The following PXDN variants were observed in gnomAD, a reference collection of about 807,000 sequenced individuals.
The protein encoded by PXDN is peroxidasin homolog.
In PXDN, 77 loss-of-function variants were observed where a neutral mutation model predicts 140.3. That is an observed-to-expected ratio of 0.55 (90% CI 0.46 to 0.66). The LOEUF is 0.66. Ranked by LOEUF, PXDN falls within the 30% of genes least tolerant of loss-of-function variation. PXDN has a pLI of 0.00. For synonymous variants in PXDN, 911 were observed against 857.4 expected, an observed-to-expected ratio of 1.06 and a Z score of -1.09; for missense variants, 1,838 against 2,039.5, an observed-to-expected ratio of 0.90 and a Z score of 1.90.
Position 1,648,617 on chromosome 2 carries a change from G to A in PXDN, c.3163C>T (p.Pro1055Ser). The A allele has an allele frequency of 1.9e-6, 3 of 1,611,522 alleles. No individual in the cohort carries two copies. Among genetic ancestry groups the A allele is most frequent in the Non-Finnish European group, 1.7e-6 (2 of 1,179,334 alleles). Residue 1055 changes from proline (P) to serine (S), a missense_variant, in exon 17 of 23, where the codon CCC becomes TCC. Coordinates refer to ENST00000252804, the MANE Select transcript of PXDN (RefSeq NM_012293.3). The surrounding 1 kb of genome is among the most constrained non-coding windows in gnomAD (Gnocchi z 8.9). ...RTLGEYHGYD[P>S]GINAGIFNAF... ...TTGAAGATGCCAGCATTGATGCCGG[G>A]GTCGTAGCCGTGGTACTCTCCCAGC...
rs750654630 is a variant in PXDN, at chr2:1,660,967, A to G, written c.1751T>C (p.Val584Ala). 3.7e-6 allele frequency: 6 copies of G among 1,613,926 alleles called. No individual in the cohort carries two copies. The highest frequency in any genetic ancestry group is 2.2e-5 in the East Asian group (1 of 44,884). ...ATAGCGACCTGCGTCTGCAGGGCCA[A>G]CGTCATTGATGGTCAAGAATCCTTC... is the stretch of plus-strand genomic sequence containing the variant. ...SPEGFLTIND[V>A]GPADAGRYEC... is the part of the protein sequence containing the mutation. Residue 584 changes from valine to alanine, a missense_variant, in exon 14 of 23, where the codon GTT becomes GCT. By Grantham distance (64) the Val-to-Ala change is moderately conservative. Transcript: ENST00000252804. This position sits in a 1 kb window ranked among gnomAD's most constrained non-coding sequence, Gnocchi z 4.6.
At chr2:1,733,148 G>T (rs971575905) in intron 1 of PXDN, among the ~76,000 whole-genome samples, 1 of 151,938 alleles carries the variant, frequency 6.6e-6, no homozygotes, top group East Asian at 1.9e-4. Flanking sequence ...GACAAAGATG[G>T]GGACAGAAAA....
intron 4 of PXDN, among the ~76,000 whole-genome samples, 193 bp from the exon 5 acceptor site, chr2:1,684,344 C>T (rs1436868680): frequency 6.6e-6 from 1 of 152,128 alleles, no homozygotes. Flanking sequence ...ACACTAGGCA[C>T]AGATGTCCAC....
At chr2:1,684,482 C>CA (rs1329691306) in intron 4 of PXDN, among the ~76,000 whole-genome samples, 1 of 152,078 alleles carries the variant, frequency 6.6e-6, no homozygotes, top group African/African-American at 2.4e-5. Context: ...TGGAAAAAAG[C>CA]AAAAATCAAA....
chr2:1,726,899 A>C (rs2125486213), intron 1 of PXDN, among the ~76,000 whole-genome samples: 1 of 152,312 alleles, frequency 6.6e-6, no homozygotes, highest in Non-Finnish European at 1.5e-5. Context: ...TGAGTATGAC[A>C]CTTTAGAAAT....
intron 10 of PXDN, among the ~76,000 whole-genome samples, chr2:1,665,600 C>T (rs1036707825): frequency 3.3e-5 from 5 of 152,196 alleles, no homozygotes; most frequent in African/African-American, 1.2e-4. Flanking sequence ...TGCAGATTCT[C>T]GACAGATTGC....
chr2:1,648,529 A>G lies in PXDN; in HGVS notation c.3251T>C (p.Leu1084Pro). 1.9e-6 allele frequency: 3 copies of G among 1,613,508 alleles called. No individual in the cohort carries two copies. Among genetic ancestry groups the G allele is most frequent in the African/African-American group, 2.7e-5 (2 of 75,068 alleles). Residue 1084 changes from leucine (L) to proline (P), a missense_variant, in exon 17 of 23, where the codon CTG becomes CCG. By Grantham distance (98) the Leu-to-Pro change is moderately conservative. This residue lies in a region of PXDN where 850 missense variants were observed against 894.1 expected (regional missense o/e 0.95). Transcript: ENST00000252804. This position sits in a 1 kb window ranked among gnomAD's most constrained non-coding sequence, Gnocchi z 8.9. ...HTLVNPLLYR[L>P]DENFQPIAQD... is the part of the protein sequence containing the mutation. ...TGCAATGGGCTGGAAGTTCTCGTCC[A>G]GCCGGTAAAGCAGTGGGTTGACAAG...
chr2:1,658,094 G>C (rs1418858605), intron 14 of PXDN, among the ~76,000 whole-genome samples: 28 of 115,410 alleles, frequency 2.4e-4, no homozygotes, highest in African/African-American at 3.7e-4. Context: ...CTCTCTCTCT[G>C]TTACAGTGTC....
intron 7 of PXDN, among the ~76,000 whole-genome samples, chr2:1,679,423 TGTG>T (rs1233970916): frequency 7.5e-6 from 1 of 132,526 alleles, no homozygotes; most frequent in African/African-American, 3.0e-5. Flanking sequence ...GCGTGTGTGG[TGTG>T]TGTGTGTATG....
At chr2:1,744,170 C>T (rs1685632337) in intron 1 of PXDN, 86 bp downstream of exon 1, 21 of 1,278,790 alleles carry the variant, frequency 1.6e-5, no homozygotes, top group Non-Finnish European at 2.1e-5. Context: ...CCACCCTCCG[C>T]GCCCCCCACC....
rs531437779 is a variant in PXDN at position 1,738,579 on chromosome 2, C to T, written c.200+5677G>A. ...TTTTTTTTTTTTTGAGACTAGGTCT[C>T]GCTCTGTCACCCAGGCTGCAGTGCA... On this transcript the variant is annotated intron_variant, in intron 1 of 22. Transcript: ENST00000252804. 7.4e-5 allele frequency among the ~76,000 whole-genome samples: 11 copies of T among 148,932 alleles called. No individual in the cohort carries two copies. In the South Asian group the frequency reaches 1.9e-3, roughly 26 times the overall value.
chr2:1,681,960 G>A (rs146194779), intron 6 of PXDN, among the ~76,000 whole-genome samples: 389 of 152,322 alleles, frequency 2.6e-3, no homozygotes, highest in Non-Finnish European at 4.0e-3. Flanking sequence ...GGCCTCCTCC[G>A]CCTGGGGCCC....
At chr2:1,655,643 CCTGCCTTCTCCTGACAGGAAT>C (rs1683114795) in intron 14 of PXDN, among the ~76,000 whole-genome samples, 1 of 150,980 alleles carries the variant, frequency 6.6e-6, no homozygotes, top group African/African-American at 2.4e-5. Context: ...CTGGCAGGAA[CCTGCCTTCTCCTGACAGGAAT>C]CTGCCCCCTC....
Position 1,662,102 on chromosome 2 carries a change from G to A in PXDN, c.1650C>T (p.Gly550=), listed in dbSNP as rs753678349. The change falls in exon 13 of 23, where the codon GGC becomes GGT. Residue 550 remains glycine, a synonymous_variant. Transcript: ENST00000252804. ...TCCAGGTGATGGCTGGCTCGGGCTC[G>A]CCCTGGGAGCTGCACGGGAGCTGCA... The part of the protein sequence containing the change: ...ANVQLPCSSQ[G]EPEPAITWNK... The A allele has an allele frequency of 1.6e-5, 26 of 1,595,158 alleles. No individual in the cohort carries two copies. Among genetic ancestry groups the A allele is most frequent in the Middle Eastern group, 1.7e-4 (1 of 6,036 alleles).
At position 1,744,289 on chromosome 2, in the gene PXDN, G is replaced by A; in HGVS notation, c.167C>T (p.Ala56Val). The change falls in exon 1 of 23, where the codon GCC (alanine) becomes GTC (valine). Residue 56 changes from alanine (A) to valine (V), a missense_variant. Coordinates refer to ENST00000252804, the MANE Select transcript of PXDN (RefSeq NM_012293.3). ...TVRCMHLLLE[A>V]VPAVAPQTSI... is the part of the protein sequence containing the mutation. ...GGTCTGCGGCGCCACGGCGGGCACG[G>A]CCTCCAGCAGCAGATGCATGCAGCG... 1.3e-6 allele frequency: 2 copies of A among 1,521,754 alleles called. No homozygotes were observed. The highest frequency in any genetic ancestry group is 1.4e-5 in the African/African-American group (1 of 71,042). The allele number at this position is 1,521,754 out of a possible 1,614,324, so 94.3% of individuals were successfully genotyped here.
At chr2:1,717,368 C>T (rs1184454796) in intron 1 of PXDN, among the ~76,000 whole-genome samples, 1 of 152,148 alleles carries the variant, frequency 6.6e-6, no homozygotes, top group Non-Finnish European at 1.5e-5. Context: ...GTCCAAATGC[C>T]TCTCGCCCGG....
At chr2:1,727,725 A>G (rs554414175) in intron 1 of PXDN, among the ~76,000 whole-genome samples, 1 of 152,282 alleles carries the variant, frequency 6.6e-6, no homozygotes, top group South Asian at 2.1e-4. Flanking sequence ...GCCGAGAGCC[A>G]GCTGAGTTCA....
At chr2:1,706,694 TAATACAACCTGAGAG>T in intron 1 of PXDN, among the ~76,000 whole-genome samples, 1 of 85,272 alleles carries the variant, frequency 1.2e-5, no homozygotes, top group Non-Finnish European at 2.2e-5. Context: ...GCCCCACTAA[TAATACAACCTGAGAG>T]CACGCTGCAG....
At chr2:1,674,171 T>G (rs1558502509) in intron 8 of PXDN, among the ~76,000 whole-genome samples, 1 of 152,234 alleles carries the variant, frequency 6.6e-6, no homozygotes, top group Non-Finnish European at 1.5e-5. Context: ...GGTAGAAACA[T>G]TTTTACATTA....
Sources: gnomAD v4.1 joint callset for allele counts (sites outside exome capture counted in the v4.1 genomes callset) on GRCh38, gnomAD v4.1.1 for gene constraint, gnomAD v4.1.1 regional missense constraint, Gnocchi (gnomAD v3.1) non-coding constraint, MANE v1.5 for transcripts, NCBI Gene and HGNC (gene_info 2026-07-23, HGNC 2026-07-21) for gene names.